Variants in PLEKHG5 observed in about 807,000 individuals in gnomAD.
PLEKHG5 encodes pleckstrin homology domain-containing family G member 5.
In PLEKHG5, 52 loss-of-function variants were observed where a neutral mutation model predicts 103.8. That is an observed-to-expected ratio of 0.50 (90% CI 0.40 to 0.63). The LOEUF (loss-of-function observed/expected upper bound fraction) is 0.63. Ranked by LOEUF, PLEKHG5 falls within the 30% of genes least tolerant of loss-of-function variation. The pLI is 0.00. For missense variants in PLEKHG5, 1,205 were observed against 1,347.6 expected (o/e 0.89, Z 1.66); for synonymous variants, 592 against 575.5 (o/e 1.03, Z -0.41).
intron 1 of PLEKHG5, chr1:6,485,987 A>G (rs559614791): frequency 1.0e-4 from 74 of 723,536 alleles, no homozygotes; most frequent in Non-Finnish European, 1.2e-4. Context: ...ACCCCCCCCC[A>G]CCTTGGAGAC....
chr1:6,484,855 A>G (rs896631473), intron 1 of PLEKHG5, among the ~76,000 whole-genome samples: 2 of 151,482 alleles, frequency 1.3e-5, no homozygotes, highest in East Asian at 1.9e-4. Flanking sequence ...GGCAGCCAAA[A>G]TAACAGAGGG....
Position 6,505,145 on chromosome 1 carries a change from A to G in PLEKHG5, c.-164-8576T>C, listed in dbSNP as rs1387345182. Among the ~76,000 whole-genome samples, 1 of 152,136 alleles carries G rather than the reference A, an allele frequency of 6.6e-6. No homozygotes were observed. On this transcript the variant is annotated intron_variant, in intron 1 of 21. Transcript: ENST00000377740. The surrounding 1 kb of genome is among the most constrained non-coding windows in gnomAD (Gnocchi z 4.2). The stretch of plus-strand genomic sequence containing the variant: ...CCCCAGACAGTTCCACAGTGCTGGG[A>G]GCTGGAGATCAGCGCTCCGGTAGCT...
At chr1:6,497,371 CG>C, upstream of PLEKHG5, 7 of 1,084,760 alleles carry the variant, frequency 6.5e-6, no homozygotes, top group Non-Finnish European at 7.9e-6. This position sits in a 1 kb window ranked among gnomAD's most constrained non-coding sequence, Gnocchi z 6.1. Flanking sequence ...GCGGGGGCGC[CG>C]GGGACGCCGG....
intron 18 of PLEKHG5, 33 bp downstream of exon 18, chr1:6,469,302 G>A: frequency 6.2e-7 from 1 of 1,612,402 alleles, no homozygotes; most frequent in Non-Finnish European, 8.5e-7. Flanking sequence ...TCCCTAATCT[G>A]CCTTGCCCAC....
At chr1:6,518,712 A>T (rs1638694951) in intron 1 of PLEKHG5, among the ~76,000 whole-genome samples, 1 of 152,132 alleles carries the variant, frequency 6.6e-6, no homozygotes, top group South Asian at 2.1e-4. Flanking sequence ...ACAAAATGGG[A>T]CAGTCTGAAG....
Position 6,473,993 on chromosome 1 carries a change from AC to A in PLEKHG5, c.591+19del. On this transcript the variant is annotated intron_variant, in intron 7 of 20. Transcript: ENST00000377728. Reference sequence around the variant, plus strand: ...GGGCCCCTTCCCACCCCCTCCCCTGACACACCCCCTCCTCCTCACCAAGATG... The same window carrying A: ...GGGCCCCTTCCCACCCCCTCCCCTGAACACCCCCTCCTCCTCACCAAGATG... The A allele has an allele frequency of 3.0e-6, 2 of 671,160 alleles. No homozygotes were observed. Among genetic ancestry groups the A allele is most frequent in the Non-Finnish European group, 5.0e-6 (2 of 397,058 alleles). The allele number at this position is 671,160 out of a possible 1,614,324, so 41.6% of individuals were successfully genotyped here.
upstream of PLEKHG5, chr1:6,497,505 G>A (rs1569980325): frequency 5.7e-6 from 1 of 173,996 alleles, no homozygotes; most frequent in Non-Finnish European, 1.1e-5. This position sits in a 1 kb window ranked among gnomAD's most constrained non-coding sequence, Gnocchi z 6.1. Context: ...ACAGGAGCGC[G>A]GCCGGGCCTC....
chr1:6,504,417 C>T (rs927901409), intron 1 of PLEKHG5, among the ~76,000 whole-genome samples: 1 of 152,114 alleles, frequency 6.6e-6, no homozygotes, highest in Non-Finnish European at 1.5e-5. Context: ...GTTGCTGGGG[C>T]CTGTGGGACA....
Position 6,490,817 on chromosome 1 carries a change from A to G in PLEKHG5, c.-88+820T>C, listed in dbSNP as rs1209911917. The stretch of plus-strand genomic sequence containing the variant: ...TGTCCCCGAGGGGCCAGCCCTTTGC[A>G]GATCTCCAAAAAGTTCAAAGTCCCT... On this transcript the variant is annotated intron_variant, in intron 1 of 20. Coordinates refer to ENST00000377728, the MANE Select transcript of PLEKHG5 (RefSeq NM_020631.6). The surrounding 1 kb of genome is among the most constrained non-coding windows in gnomAD (Gnocchi z 8.0). Among the ~76,000 whole-genome samples, 2 of 152,138 alleles carry G rather than the reference A, an allele frequency of 1.3e-5. No individual in the cohort carries two copies. The highest frequency in any genetic ancestry group is 4.8e-5 in the African/African-American group (2 of 41,430).
At chr1:6,478,729 C>T (rs1247790627) in intron 1 of PLEKHG5, among the ~76,000 whole-genome samples, 4 of 152,034 alleles carry the variant, frequency 2.6e-5, no homozygotes, top group African/African-American at 4.8e-5. Flanking sequence ...CTGCATCCTC[C>T]GCCTCCCGGG....
At chr1:6,481,590 G>A (rs1453282719) in intron 1 of PLEKHG5, among the ~76,000 whole-genome samples, 11 of 150,242 alleles carry the variant, frequency 7.3e-5, no homozygotes, top group African/African-American at 2.0e-4. Flanking sequence ...AAGGCCAGGC[G>A]CGGTGGCTCA....
At chr1:6,481,523 C>CT (rs1557755014) in intron 1 of PLEKHG5, among the ~76,000 whole-genome samples, 1 of 130,098 alleles carries the variant, frequency 7.7e-6, no homozygotes, top group African/African-American at 3.3e-5. Flanking sequence ...AACTCCGTCT[C>CT]AAAATAAATA....
In PLEKHG5 at chr1:6,470,758, C is replaced by G. The variant is rs868002197; in HGVS notation, c.1519G>C (p.Ala507Pro). The change falls in exon 14 of 21, where the codon GCC (alanine) becomes CCC (proline). Residue 507 changes from alanine to proline, a missense_variant. Ala to Pro is a conservative substitution (Grantham distance 27). Coordinates refer to ENST00000377728, the MANE Select transcript of PLEKHG5 (RefSeq NM_020631.6). The part of the protein sequence containing the change: ...SVLRKTEEPR[A>P]KEAVVAMIGS... Reference sequence around the variant, plus strand: ...ACCATGGCGACGACGGCCTCCTTGGCGCGCGGCTCCTCGGTCTTCCTCAGC... The same window carrying G: ...ACCATGGCGACGACGGCCTCCTTGGGGCGCGGCTCCTCGGTCTTCCTCAGC... The G allele has an allele frequency of 6.4e-7, 1 of 1,562,326 alleles. No homozygotes were observed. The highest frequency in any genetic ancestry group is 1.4e-5 in the African/African-American group (1 of 73,874).
At chr1:6,471,380 G>A (rs1644580094) in intron 12 of PLEKHG5, 108 bp downstream of exon 12, 1 of 1,302,058 alleles carries the variant, frequency 7.7e-7, no homozygotes, top group Non-Finnish European at 1.1e-6. Flanking sequence ...TGCGGTTACG[G>A]GCCTGGGGGA....
upstream of PLEKHG5, among the ~76,000 whole-genome samples, chr1:6,496,122 C>G (rs917879269): frequency 9.2e-5 from 14 of 152,224 alleles, no homozygotes; most frequent in Admixed American, 8.5e-4. Context: ...AGGAAGGGTG[C>G]CATCTGGGCA....
At chr1:6,470,212 G>C in intron 16 of PLEKHG5, 24 bp downstream of exon 16, 4 of 1,613,176 alleles carry the variant, frequency 2.5e-6, no homozygotes, top group African/African-American at 2.7e-5. Flanking sequence ...GCAGGGCACA[G>C]GGGTGGGGTG....
Position 6,477,647 on chromosome 1 carries a change from G to T in PLEKHG5, c.-76C>A. The T allele has an allele frequency of 1.2e-6, 2 of 1,604,214 alleles. No individual in the cohort carries two copies. The highest frequency in any genetic ancestry group is 8.5e-7 in the Non-Finnish European group (1 of 1,179,900). ...GGCGGTGCAGCTGCTGGCAGTCGGC[G>T]TGGTGACATACCTGGGGTGGGGACA... On this transcript the variant is annotated 5_prime_UTR_variant, in exon 2 of 21. Transcript: ENST00000377728.
intron 16 of PLEKHG5, 87 bp downstream of exon 16, chr1:6,470,149 G>T: frequency 7.0e-7 from 1 of 1,430,792 alleles, no homozygotes; most frequent in Non-Finnish European, 9.7e-7. Flanking sequence ...AACCACCGAA[G>T]GGACTGCAGA....
At position 6,487,507 on chromosome 1, in the gene PLEKHG5, C is replaced by T. The variant is rs1382917372; in HGVS notation, c.-88+4130G>A. On this transcript the variant is annotated intron_variant, in intron 1 of 20. Transcript: ENST00000377728. This position sits in a 1 kb window ranked among gnomAD's most constrained non-coding sequence, Gnocchi z 4.1. ...GCTCCCGCCTCCCTCCCAGCTGGTCCGCACAGGGTCCACCTGCCGGTCTTC... is the reference window on the plus strand; with the variant it reads ...GCTCCCGCCTCCCTCCCAGCTGGTCTGCACAGGGTCCACCTGCCGGTCTTC... 6.6e-6 allele frequency among the ~76,000 whole-genome samples: 1 copy of T among 152,210 alleles called. No homozygotes were observed. Among genetic ancestry groups the T allele is most frequent in the African/African-American group, 2.4e-5 (1 of 41,456 alleles).
Sources: gnomAD v4.1 joint callset for allele counts (sites outside exome capture counted in the v4.1 genomes callset) on GRCh38, gnomAD v4.1.1 for gene constraint, Gnocchi (gnomAD v3.1) non-coding constraint, MANE v1.5 for transcripts, NCBI Gene and HGNC (gene_info 2026-07-23, HGNC 2026-07-21) for gene names.